Variants in CCSER1 observed in about 807,000 individuals in gnomAD.
CCSER1 encodes coiled-coil serine rich protein 1.
CCSER1 carries 41 observed loss-of-function variants against 82.0 expected under a neutral mutation model. That is an observed-to-expected ratio of 0.50 (90% CI 0.39 to 0.65). The LOEUF is 0.65. Ranked by LOEUF, CCSER1 falls within the 30% of genes least tolerant of loss-of-function variation. CCSER1 has a pLI of 0.00. For missense variants in CCSER1, 1,119 were observed against 1,064.2 expected, an observed-to-expected ratio of 1.05 and a Z score of -0.72; for synonymous variants, 414 against 383.9, an observed-to-expected ratio of 1.08 and a Z score of -0.92.
intron 1 of CCSER1, among the ~76,000 whole-genome samples, chr4:90,187,437 T>G (rs1054781789): frequency 2.0e-5 from 3 of 148,472 alleles, no homozygotes; most frequent in African/African-American, 7.4e-5. Flanking sequence ...CGGATTTCAC[T>G]CACACACACA....
intron 10 of CCSER1, among the ~76,000 whole-genome samples, chr4:91,146,534 T>G (rs530876187): frequency 6.6e-6 from 1 of 152,128 alleles, no homozygotes; most frequent in African/African-American, 2.4e-5. Context: ...TGATTCTTTC[T>G]CATCTGAGGG....
intron 10 of CCSER1, among the ~76,000 whole-genome samples, chr4:91,181,794 A>T (rs1316228785): frequency 6.6e-6 from 1 of 152,168 alleles, no homozygotes; most frequent in Non-Finnish European, 1.5e-5. Context: ...CTGTTTACAA[A>T]TAGGTTTTTG....
chr4:90,612,440 C>T (rs561185594), intron 5 of CCSER1, among the ~76,000 whole-genome samples: 35 of 152,186 alleles, frequency 2.3e-4, no homozygotes, highest in African/African-American at 7.5e-4. Context: ...AATGAGTAAA[C>T]ATTAATGTGT....
At chr4:90,929,252 A>T (rs1404365338) in intron 9 of CCSER1, among the ~76,000 whole-genome samples, 18 of 152,164 alleles carry the variant, frequency 1.2e-4, no homozygotes. Context: ...ACTAAAAGCC[A>T]CTAATTTTTT....
At chr4:90,931,522 C>T (rs1444753744) in intron 9 of CCSER1, among the ~76,000 whole-genome samples, 5 of 152,100 alleles carry the variant, frequency 3.3e-5, no homozygotes, top group African/African-American at 1.2e-4. Flanking sequence ...AACCCATATA[C>T]CTTCTAATGA....
At chr4:91,436,328 A>G (rs2149399162) in intron 10 of CCSER1, among the ~76,000 whole-genome samples, 1 of 152,310 alleles carries the variant, frequency 6.6e-6, no homozygotes, top group East Asian at 1.9e-4. Context: ...GCATATAGCA[A>G]GCTTTCAATA....
At chr4:90,683,964 G>A (rs1254242767) in intron 6 of CCSER1, among the ~76,000 whole-genome samples, 3 of 152,004 alleles carry the variant, frequency 2.0e-5, no homozygotes, top group Non-Finnish European at 4.4e-5. Context: ...GAGGTTAATA[G>A]CAATTATACA....
At chr4:90,811,026 G>C (rs1046444643) in intron 7 of CCSER1, among the ~76,000 whole-genome samples, 1 of 151,764 alleles carries the variant, frequency 6.6e-6, no homozygotes, top group African/African-American at 2.4e-5. Context: ...TAGAGACGGG[G>C]TTTCATTGTG....
intron 5 of CCSER1, among the ~76,000 whole-genome samples, chr4:90,603,872 C>T (rs144008992): frequency 2.1e-3 from 315 of 152,278 alleles, no homozygotes; most frequent in African/African-American, 7.5e-3. Context: ...TTCATGGACA[C>T]TGACTCAGTG....
intron 7 of CCSER1, among the ~76,000 whole-genome samples, chr4:90,766,052 ATG>A (rs757769125): frequency 1.3e-5 from 2 of 151,638 alleles, no homozygotes; most frequent in Non-Finnish European, 1.5e-5. Flanking sequence ...AAAAGGGAAA[ATG>A]TGTGTGTGTG....
intron 9 of CCSER1, among the ~76,000 whole-genome samples, chr4:91,031,382 C>T (rs1052434288): frequency 1.3e-5 from 2 of 152,176 alleles, no homozygotes; most frequent in South Asian, 4.1e-4. Flanking sequence ...TACTGTAGCA[C>T]AAGGAAACAC....
chr4:90,628,299 A>G (rs1723702760), intron 6 of CCSER1, 67 bp downstream of exon 6: 1 of 1,274,922 alleles, frequency 7.8e-7, no homozygotes, highest in African/African-American at 1.5e-5. Flanking sequence ...AGACGTGGTT[A>G]GACCCTGCTC....
chr4:90,553,794 G>T (rs1777803386), intron 5 of CCSER1, among the ~76,000 whole-genome samples: 1 of 152,154 alleles, frequency 6.6e-6, no homozygotes, highest in Non-Finnish European at 1.5e-5. Context: ...TTGCAGACAG[G>T]AGTTCAACTA....
intron 5 of CCSER1, among the ~76,000 whole-genome samples, chr4:90,567,447 C>T (rs542478487): frequency 1.3e-5 from 2 of 152,078 alleles, no homozygotes; most frequent in East Asian, 1.9e-4. Flanking sequence ...TGCACCACTA[C>T]GCTTTCCTAA....
At chr4:90,732,137 A>G (rs1744874592) in intron 7 of CCSER1, among the ~76,000 whole-genome samples, 1 of 151,378 alleles carries the variant, frequency 6.6e-6, no homozygotes, top group East Asian at 1.9e-4. Context: ...TTCTCACAAC[A>G]TGCTGGTTTT....
intron 10 of CCSER1, among the ~76,000 whole-genome samples, chr4:91,419,471 G>A (rs978066685): frequency 2.6e-5 from 4 of 151,884 alleles, no homozygotes; most frequent in Non-Finnish European, 4.4e-5. Context: ...CAGTAGCATC[G>A]ACGATAACAA....
At chr4:90,210,147 CT>C (rs1353972586) in intron 1 of CCSER1, among the ~76,000 whole-genome samples, 3 of 152,042 alleles carry the variant, frequency 2.0e-5, no homozygotes, top group Admixed American at 6.5e-5. Flanking sequence ...GGTAAAAGGT[CT>C]TTTGTTAAAA....
chr4:90,757,149 C>T lies in CCSER1; in HGVS notation c.2010+33158C>T, dbSNP rs182497615. Among the ~76,000 whole-genome samples the T allele has an allele frequency of 9.9e-5, 15 of 152,218 alleles. No homozygotes were observed. In the East Asian group the frequency reaches 2.9e-3, roughly 29 times the overall value. ...AGATTCGCAAATGACAAAGTTAGAA[C>T]AAATTCAGTTTAGAGATCTTCATTG... is the stretch of plus-strand genomic sequence containing the variant. On this transcript the variant is annotated intron_variant, in intron 7 of 10. Coordinates refer to ENST00000509176, the MANE Select transcript of CCSER1 (RefSeq NM_001145065.2).
At chr4:90,629,006 G>A (rs1723845038) in intron 6 of CCSER1, among the ~76,000 whole-genome samples, 1 of 152,000 alleles carries the variant, frequency 6.6e-6, no homozygotes, top group Non-Finnish European at 1.5e-5. Context: ...CCTGAAATTT[G>A]TGTCTTTGTA....
Sources: gnomAD v4.1 joint callset for allele counts (sites outside exome capture counted in the v4.1 genomes callset) on GRCh38, gnomAD v4.1.1 for gene constraint, MANE v1.5 for transcripts, NCBI Gene and HGNC (gene_info 2026-07-23, HGNC 2026-07-21) for gene names.